TNRC18: variants seen among roughly 807,000 people sequenced by gnomAD.
The protein encoded by TNRC18 is trinucleotide repeat containing 18, also known as trinucleotide repeat-containing gene 18 protein.
A neutral mutation model predicts 226.7 loss-of-function variants in TNRC18; 69 were observed. The ratio of observed to expected loss-of-function variants is 0.30; its 90% CI spans 0.25 to 0.37. TNRC18 has a LOEUF of 0.37. Ranked by LOEUF, TNRC18 falls within the 10% of genes least tolerant of loss-of-function variation. TNRC18 has a pLI of 1.00. For missense variants in TNRC18, 4,754 were observed against 4,256.6 expected (o/e 1.12, Z -3.25); for synonymous variants, 2,449 against 1,927.6 (o/e 1.27, Z -7.09).
chr7:5,378,028 C>A lies in TNRC18; in HGVS notation c.2153-4G>T, dbSNP rs1204271349. The A allele has an allele frequency of 6.2e-7, 1 of 1,607,308 alleles. No individual in the cohort carries two copies. Among genetic ancestry groups the A allele is most frequent in the Non-Finnish European group, 8.5e-7 (1 of 1,178,896 alleles). On this transcript the variant is annotated splice_polypyrimidine_tract_variant and splice_region_variant and intron_variant, in intron 5 of 29. Coordinates refer to ENST00000430969, the MANE Select transcript of TNRC18 (RefSeq NM_001080495.3). ...TCCTCATCTGCTCGGCCGTGCCCTG[C>A]AGGGGGCCAGGTGGAAGTGAGCCCC...
At chr7:5,390,832 G>T (rs1452506511) in intron 3 of TNRC18, among the ~76,000 whole-genome samples, 3 of 151,998 alleles carry the variant, frequency 2.0e-5, no homozygotes, top group South Asian at 4.1e-4. Context: ...CCTCACGGGG[G>T]ACTGGGGTCT....
intron 11 of TNRC18, among the ~76,000 whole-genome samples, chr7:5,364,204 A>G (rs1009799654): frequency 3.9e-5 from 6 of 152,130 alleles, no homozygotes; most frequent in Admixed American, 2.0e-4. Context: ...GGGTTGAGGC[A>G]TAAGAACTGC....
rs367864160 is a variant in TNRC18 at position 5,388,227 on chromosome 7, T to C, written c.1597A>G (p.Ser533Gly). Residue 533 changes from serine to glycine, a missense_variant, in exon 5 of 30, where the codon AGC (serine) becomes GGC (glycine). Physicochemically the swap from Ser to Gly is moderately conservative, Grantham distance 56. Coordinates refer to ENST00000430969, the MANE Select transcript of TNRC18 (RefSeq NM_001080495.3). ...MAVLAAQHHH[S>G]RAEEEAAVVA... ...ACGGCGGCCTCCTCTTCGGCGCGGC[T>C]GTGGTGGTGCTGCGCGGCCAGCACG... 1.1e-5 allele frequency: 17 copies of C among 1,603,810 alleles called. No individual in the cohort carries two copies. In the African/African-American group the frequency reaches 1.3e-4, roughly 13 times the overall value.
rs10601250 is a variant in TNRC18, at chr7:5,315,416, GTTT to G, written c.6863-271_6863-269del. ...GGATAAAGATGCTGACTTTTGTTGG[GTTT>G]TTTTTTTTTTTTTTTTTTTTTTTAA... On this transcript the variant is annotated intron_variant, in intron 25 of 29. Transcript: ENST00000430969. Among the ~76,000 whole-genome samples, 34 of 147,508 alleles carry G rather than the reference GTTT, an allele frequency of 2.3e-4. 2 individuals carry two copies. The highest frequency in any genetic ancestry group is 4.1e-4 in the Admixed American group (6 of 14,788).
At chr7:5,356,599 T>C (rs1792415547) in intron 16 of TNRC18, among the ~76,000 whole-genome samples, 1 of 152,120 alleles carries the variant, frequency 6.6e-6, no homozygotes. Context: ...GCCTATGACA[T>C]CCGGTAGGCA....
intron 21 of TNRC18, 129 bp from the exon 22 acceptor site, chr7:5,321,319 G>T: frequency 1.6e-6 from 1 of 633,624 alleles, no homozygotes; most frequent in Non-Finnish European, 2.8e-6. Context: ...GTGGGGCTGA[G>T]ACGTGTGCAC....
In TNRC18 at chr7:5,371,229, T is replaced by A. The variant is rs983244557; in HGVS notation, c.3365A>T (p.Glu1122Val). The A allele has an allele frequency of 6.9e-6, 11 of 1,605,342 alleles. No individual in the cohort carries two copies. Among genetic ancestry groups the A allele is most frequent in the African/African-American group, 2.7e-5 (2 of 74,844 alleles). Residue 1122 changes from glutamate to valine, a missense_variant, in exon 11 of 30, where the codon GAG becomes GTG. By Grantham distance (121) the Glu-to-Val change is moderately radical (BLOSUM62 -2). Transcript: ENST00000430969. Reference sequence around the variant, plus strand: ...GTCTTCGGGTGAGAGTGCCAGGCGCTCGGGCCCATCAGCCGGGAGCGGCAC... The same window carrying A: ...GTCTTCGGGTGAGAGTGCCAGGCGCACGGGCCCATCAGCCGGGAGCGGCAC... Reference protein sequence around the residue: ...PDVPLPADGPERLALSPEDKP... With the variant: ...PDVPLPADGPVRLALSPEDKP...
intron 5 of TNRC18, among the ~76,000 whole-genome samples, chr7:5,384,953 C>G (rs1222157241): frequency 6.6e-6 from 1 of 152,254 alleles, no homozygotes; most frequent in Admixed American, 6.5e-5. Context: ...AATTCCAAGA[C>G]AAGCCTGACA....
In TNRC18 at chr7:5,362,706, G is replaced by A; in HGVS notation, c.4339C>T (p.Pro1447Ser). ...TTCTTGTTGGGCTTCAGCTCCCGCGGGAGCCGCAGGTTCTTGAGTGGGTCC... is the reference window on the plus strand; with the variant it reads ...TTCTTGTTGGGCTTCAGCTCCCGCGAGAGCCGCAGGTTCTTGAGTGGGTCC... The part of the protein sequence containing the change: ...VVDPLKNLRL[P>S]RELKPNKKYS... The change falls in exon 12 of 30, where the codon CCG becomes TCG. Residue 1447 changes from proline (P) to serine (S), a missense_variant. Transcript: ENST00000430969. The A allele has an allele frequency of 6.3e-7, 1 of 1,582,536 alleles. No homozygotes were observed. The highest frequency in any genetic ancestry group is 8.6e-7 in the Non-Finnish European group (1 of 1,165,306).
chr7:5,362,110 C>A (rs1793118959), intron 12 of TNRC18, 77 bp from the exon 13 acceptor site: 3 of 1,546,028 alleles, frequency 1.9e-6, no homozygotes, highest in Admixed American at 3.7e-5. Context: ...CCCAGGGGTG[C>A]CCCTGAGGAA....
rs1308475546 is a variant in TNRC18 at position 5,324,404 on chromosome 7, C to T, written c.6301-49G>A. ...AATGACTTAGGACCTGAACAGGGGT[C>T]CTGCCGGGTTGGGGACCCTCTCTGG... On this transcript the variant is annotated intron_variant, in intron 20 of 29. Transcript: ENST00000430969. The surrounding 1 kb of genome is among the most constrained non-coding windows in gnomAD (Gnocchi z 4.8). The T allele has an allele frequency of 3.1e-6, 5 of 1,599,686 alleles. No homozygotes were observed. The African/African-American group carries it at 4.0e-5, about 13-fold the overall frequency.
rs528373278 is a variant in TNRC18 at position 5,308,915 on chromosome 7, G to A, written c.8660C>T (p.Ala2887Val). Residue 2887 changes from alanine to valine, a missense_variant, in exon 29 of 30, where the codon GCG (alanine) becomes GTG (valine). Physicochemically the swap from Ala to Val is moderately conservative, Grantham distance 64. Transcript: ENST00000430969. ...WDQKSSRSLP[A>V]ALRVSSQRKD... ...CCTCTGGCTGGAGACCCGCAGGGCC[G>A]CCGGGAGGCTGCGGCTGGACTTCTG... 4.5e-5 allele frequency: 62 copies of A among 1,387,098 alleles called. No individual in the cohort carries two copies. The highest frequency in any genetic ancestry group is 3.2e-4 in the African/African-American group (21 of 65,764). 85.9% of individuals were successfully genotyped at this position (1,387,098 alleles called of 1,614,324 possible).
intron 16 of TNRC18, among the ~76,000 whole-genome samples, chr7:5,353,307 C>G (rs553297402): frequency 2.0e-5 from 3 of 152,118 alleles, no homozygotes; most frequent in African/African-American, 7.2e-5. Context: ...GAGGCTGAGG[C>G]GGGCAGCTCA....
intron 21 of TNRC18, among the ~76,000 whole-genome samples, chr7:5,323,863 C>A (rs12531425): frequency 0.11 from 16,943 of 152,134 alleles, 1,101 homozygotes; most frequent in Admixed American, 0.17. Context: ...CCACCACGCT[C>A]GGCCCAGACA....
At position 5,377,809 on chromosome 7, in the gene TNRC18, ACCATAGCAT is replaced by A. The variant is rs1779106110; in HGVS notation, c.2255+104_2255+112del. On this transcript the variant is annotated intron_variant, in intron 6 of 29. Coordinates refer to ENST00000430969, the MANE Select transcript of TNRC18 (RefSeq NM_001080495.3). The surrounding 1 kb of genome is among the most constrained non-coding windows in gnomAD (Gnocchi z 5.8). ...GACCAGAGTGACTCCCGCTCTCAGTACCATAGCATCCATGGTCGAGGGGCCAAGCCCACC... is the reference window on the plus strand; with the variant it reads ...GACCAGAGTGACTCCCGCTCTCAGTACCATGGTCGAGGGGCCAAGCCCACC... The A allele has an allele frequency of 5.9e-5, 66 of 1,117,570 alleles. No individual in the cohort carries two copies. The South Asian group carries it at 9.4e-4, about 16-fold the overall frequency. The allele number at this position is 1,117,570 out of a possible 1,614,324, so 69.2% of individuals were successfully genotyped here. A position where few individuals can be genotyped will look rare whatever the true frequency, so the allele number is the denominator to read the frequency against.
chr7:5,422,284 A>C (rs1163655236), intron 1 of TNRC18, among the ~76,000 whole-genome samples: 1 of 152,144 alleles, frequency 6.6e-6, no homozygotes, highest in Non-Finnish European at 1.5e-5. Context: ...GGGGGATGTC[A>C]AGAGGGGAAG....
intron 24 of TNRC18, among the ~76,000 whole-genome samples, chr7:5,317,325 C>G (rs932046874): frequency 2.0e-5 from 3 of 152,158 alleles, no homozygotes; most frequent in Admixed American, 6.5e-5. Context: ...CGCAGTGGCT[C>G]ACGCCTGTAA....
At chr7:5,389,360 A>C in intron 4 of TNRC18, 24 bp from the exon 5 acceptor site, 1 of 1,248,156 alleles carries the variant, frequency 8.0e-7, no homozygotes, top group African/African-American at 1.6e-5. Flanking sequence ...AACAGCAGGC[A>C]GTGAGCGAGC....
chr7:5,393,563 CA>C (rs1197614101), intron 3 of TNRC18, among the ~76,000 whole-genome samples: 1 of 152,148 alleles, frequency 6.6e-6, no homozygotes, highest in African/African-American at 2.4e-5. Context: ...GCAGGAGCTC[CA>C]GGGCTGCAAC....
Sources: allele counts gnomAD v4.1 joint callset (sites outside exome capture counted in the v4.1 genomes callset), GRCh38; gene constraint gnomAD v4.1.1; non-coding constraint Gnocchi (gnomAD v3.1); transcripts MANE v1.5; gene names NCBI Gene and HGNC (gene_info 2026-07-23, HGNC 2026-07-21).